The following PRKCB variants were observed in gnomAD, a reference collection of about 807,000 sequenced individuals.
PRKCB encodes protein kinase C beta.
A neutral mutation model predicts 81.5 loss-of-function variants in PRKCB; 13 were observed. That is an observed-to-expected ratio of 0.16 (90% confidence interval 0.10 to 0.25). The LOEUF is 0.25. Among genes scored for constraint, PRKCB ranks in the 10% least tolerant of loss-of-function variants. The pLI is 1.00. For missense variants in PRKCB, 509 were observed against 875.7 expected (o/e 0.58, Z 5.29); for synonymous variants, 335 against 321.4 (o/e 1.04, Z -0.45).
intron 5 of PRKCB, among the ~76,000 whole-genome samples, chr16:24,073,991 C>T (rs1291001905): frequency 2.6e-5 from 4 of 152,020 alleles, no homozygotes; most frequent in Non-Finnish European, 4.4e-5. Context: ...ATTAGCCGGG[C>T]GTGGTTGGTG....
At chr16:24,164,015 G>A (rs1456484743) in intron 10 of PRKCB, among the ~76,000 whole-genome samples, 2 of 152,218 alleles carry the variant, frequency 1.3e-5, no homozygotes, top group African/African-American at 2.4e-5. Context: ...TGAATCCACA[G>A]ACCAGCTTGG....
Position 24,061,910 on chromosome 16 carries a change from T to TAAAAAAAA in PRKCB, c.529+26379_529+26386dup, listed in dbSNP as rs1210402981. On this transcript the variant is annotated intron_variant, in intron 5 of 16. Transcript: ENST00000643927. ...CCACTCCCCCTGCACCTTAAATAAA[T>TAAAAAAAA]AAAAAAAAAAAAAAAAAAAAAAACT... Among the ~76,000 whole-genome samples the TAAAAAAAA allele has an allele frequency of 8.3e-4, 77 of 92,840 alleles. 2 individuals are homozygous for TAAAAAAAA. The Middle Eastern group carries it at 0.018, about 22-fold the overall frequency. 60.9% of individuals were successfully genotyped at this position (92,840 alleles called of 152,430 possible).
intron 2 of PRKCB, among the ~76,000 whole-genome samples, chr16:23,912,658 G>C (rs1048255520): frequency 1.2e-4 from 18 of 146,860 alleles, no homozygotes; most frequent in African/African-American, 4.5e-4. Flanking sequence ...GATTGCAGAC[G>C]TGTGCCACCT....
chr16:24,010,663 T>C (rs1965191461), intron 3 of PRKCB, among the ~76,000 whole-genome samples: 1 of 152,180 alleles, frequency 6.6e-6, no homozygotes, highest in African/African-American at 2.4e-5. Context: ...CCCCCTGCTG[T>C]CCTTTAGCAC....
At chr16:24,077,084 G>A (rs1244925388) in intron 5 of PRKCB, among the ~76,000 whole-genome samples, 1 of 152,066 alleles carries the variant, frequency 6.6e-6, no homozygotes, top group Non-Finnish European at 1.5e-5. Context: ...GGCATATCAG[G>A]GGGCCTCTAG....
At chr16:23,902,366 T>C (rs1021892158) in intron 2 of PRKCB, among the ~76,000 whole-genome samples, 2 of 152,188 alleles carry the variant, frequency 1.3e-5, no homozygotes, top group Admixed American at 1.3e-4. Context: ...TCACCCAAAG[T>C]TTCCCCCTAA....
chr16:24,180,667 T>C lies in PRKCB; in HGVS notation c.1395-123T>C, dbSNP rs114846220. 1,473 of 1,199,280 alleles carry C rather than the reference T, an allele frequency of 1.2e-3. 13 individuals are homozygous for C. In the African/African-American group the frequency reaches 0.019, roughly 16 times the overall value. The allele number at this position is 1,199,280 out of a possible 1,614,324, so 74.3% of individuals were successfully genotyped here. A position where few individuals can be genotyped will look rare whatever the true frequency, so the allele number is the denominator to read the frequency against. ...TAAGCTGTTGGAGGTCAAAGGCTGG[T>C]TTCTACTGACCTTTGTGCCCACACA... On this transcript the variant is annotated intron_variant, in intron 12 of 16. Coordinates refer to ENST00000643927, the MANE Select transcript of PRKCB (RefSeq NM_002738.7).
intron 3 of PRKCB, among the ~76,000 whole-genome samples, chr16:24,002,844 C>G (rs1050358169): frequency 3.3e-5 from 5 of 152,108 alleles, no homozygotes; most frequent in African/African-American, 1.2e-4. Context: ...CTCGTTTGCC[C>G]TTCCAATCCA....
chr16:24,109,834 C>G (rs62027378), intron 7 of PRKCB, among the ~76,000 whole-genome samples: 371 of 128,664 alleles, frequency 2.9e-3, no homozygotes, highest in Non-Finnish European at 4.6e-3. Flanking sequence ...ACTGAGTGAA[C>G]GAGACTCCAT....
chr16:23,854,370 C>T (rs1416490656), intron 2 of PRKCB, among the ~76,000 whole-genome samples: 1 of 152,072 alleles, frequency 6.6e-6, no homozygotes, highest in Non-Finnish European at 1.5e-5. Context: ...TTAAAGTAGC[C>T]ACTGTTTTAT....
At chr16:23,942,109 G>A (rs931760244) in intron 2 of PRKCB, among the ~76,000 whole-genome samples, 2 of 152,180 alleles carry the variant, frequency 1.3e-5, no homozygotes, top group Non-Finnish European at 2.9e-5. Flanking sequence ...CTCTAACTTG[G>A]TGGATGACAT....
At chr16:23,877,479 T>A (rs1355709771) in intron 2 of PRKCB, among the ~76,000 whole-genome samples, 1 of 152,186 alleles carries the variant, frequency 6.6e-6, no homozygotes, top group Non-Finnish European at 1.5e-5. Context: ...CAATCCCATA[T>A]AAGACTCCCC....
chr16:23,867,658 C>A (rs1337653009), intron 2 of PRKCB, among the ~76,000 whole-genome samples: 1 of 152,152 alleles, frequency 6.6e-6, no homozygotes, highest in African/African-American at 2.4e-5. Flanking sequence ...GACAGACTCC[C>A]TTATTATTGG....
chr16:24,050,081 T>G (rs1258158327), intron 5 of PRKCB, among the ~76,000 whole-genome samples: 1 of 152,148 alleles, frequency 6.6e-6, no homozygotes, highest in Non-Finnish European at 1.5e-5. Flanking sequence ...TTCATGAAGC[T>G]TTTACAGGCA....
chr16:24,000,883 T>C (rs1965024467), intron 3 of PRKCB, among the ~76,000 whole-genome samples: 1 of 152,228 alleles, frequency 6.6e-6, no homozygotes, highest in African/African-American at 2.4e-5. Context: ...AAATTCCAAA[T>C]GGTCTCTGCT....
At position 24,091,514 on chromosome 16, in the gene PRKCB, C is replaced by T. The variant is rs370514791; in HGVS notation, c.530-1277C>T. ...GGTTTCTGAATTGATTCCTAATTAACTACTTCCTGTTTCTCCAAGCTGATG... is the reference window on the plus strand; with the variant it reads ...GGTTTCTGAATTGATTCCTAATTAATTACTTCCTGTTTCTCCAAGCTGATG... On this transcript the variant is annotated intron_variant, in intron 5 of 16. Coordinates refer to ENST00000643927, the MANE Select transcript of PRKCB (RefSeq NM_002738.7). Among the ~76,000 whole-genome samples the T allele has an allele frequency of 6.6e-5, 10 of 152,176 alleles. No individual in the cohort carries two copies. The East Asian group carries it at 1.9e-3, about 29-fold the overall frequency.
intron 5 of PRKCB, among the ~76,000 whole-genome samples, chr16:24,056,316 A>T (rs1224954056): frequency 6.6e-6 from 1 of 152,164 alleles, no homozygotes; most frequent in Non-Finnish European, 1.5e-5. Context: ...GAGGCAGCTT[A>T]TGGGGACTTG....
chr16:23,972,343 G>C (rs547863783), intron 2 of PRKCB, among the ~76,000 whole-genome samples: 1 of 152,112 alleles, frequency 6.6e-6, no homozygotes, highest in Non-Finnish European at 1.5e-5. Context: ...CATTTGTATT[G>C]TCTTGTATCA....
intron 8 of PRKCB, among the ~76,000 whole-genome samples, 171 bp downstream of exon 8, chr16:24,113,240 C>G (rs1966697319): frequency 7.7e-6 from 1 of 129,744 alleles, no homozygotes; most frequent in Non-Finnish European, 1.5e-5. Flanking sequence ...TTCTTTCTTG[C>G]TTACTTGCTT....
Sources: allele counts gnomAD v4.1 joint callset (sites outside exome capture counted in the v4.1 genomes callset), GRCh38; gene constraint gnomAD v4.1.1; transcripts MANE v1.5; gene names NCBI Gene and HGNC (gene_info 2026-07-23, HGNC 2026-07-21).